LRBA: variants seen among roughly 807,000 people sequenced by gnomAD.
The protein encoded by LRBA is LPS responsive beige-like anchor protein, also known as lipopolysaccharide-responsive and beige-like anchor protein.
Under a neutral mutation model 330.0 loss-of-function variants are expected in LRBA, and 176 were observed. That is an observed-to-expected ratio of 0.53 (90% CI 0.47 to 0.60). LRBA has a LOEUF of 0.60. Among genes scored for constraint, LRBA ranks in the 20% least tolerant of loss-of-function variants. The pLI is 0.00. For missense variants in LRBA, 3,259 were observed against 3,444.8 expected (o/e 0.95, Z 1.35); for synonymous variants, 1,230 against 1,193.0 (o/e 1.03, Z -0.64).
At chr4:150,540,541 T>C (rs1765209008) in intron 40 of LRBA, among the ~76,000 whole-genome samples, 1 of 152,198 alleles carries the variant, frequency 6.6e-6, no homozygotes, top group African/African-American at 2.4e-5. Flanking sequence ...GGCATGCTAT[T>C]GTTTTACAAA....
chr4:150,559,756 C>T (rs10019187), intron 40 of LRBA, among the ~76,000 whole-genome samples: 42,413 of 81,188 alleles, frequency 0.52, 10,953 homozygotes, highest in East Asian at 0.59. Flanking sequence ...ATATATATAA[C>T]ATTATAGATT....
intron 2 of LRBA, among the ~76,000 whole-genome samples, chr4:150,980,164 T>C (rs1166890806): frequency 6.6e-6 from 1 of 151,870 alleles, no homozygotes; most frequent in Non-Finnish European, 1.5e-5. Context: ...GCAAAGATGG[T>C]TCAACATATG....
intron 40 of LRBA, among the ~76,000 whole-genome samples, chr4:150,538,827 A>C (rs1392260125): frequency 2.0e-5 from 3 of 151,852 alleles, no homozygotes; most frequent in African/African-American, 7.3e-5. Flanking sequence ...AAAAAAAAAA[A>C]AAACAAAAAA....
chr4:150,560,145 A>G (rs982012860), intron 40 of LRBA, among the ~76,000 whole-genome samples: 9 of 150,694 alleles, frequency 6.0e-5, no homozygotes, highest in Non-Finnish European at 1.2e-4. Context: ...GGAAAGGAGT[A>G]TAATGTGTAC....
intron 34 of LRBA, among the ~76,000 whole-genome samples, chr4:150,783,501 A>AG (rs1422304044): frequency 6.6e-6 from 1 of 152,232 alleles, no homozygotes; most frequent in African/African-American, 2.4e-5. Context: ...AACAAGAATA[A>AG]ACTGACAAGC....
intron 40 of LRBA, among the ~76,000 whole-genome samples, chr4:150,550,826 TTAAC>T (rs1766491196): frequency 6.6e-6 from 1 of 152,200 alleles, no homozygotes; most frequent in Non-Finnish European, 1.5e-5. Context: ...AAATAGTTCT[TTAAC>T]TAAAAGATTA....
intron 40 of LRBA, among the ~76,000 whole-genome samples, chr4:150,545,053 A>C (rs1025448715): frequency 5.9e-5 from 9 of 152,190 alleles, no homozygotes; most frequent in African/African-American, 2.2e-4. Context: ...CTTCTGTAAA[A>C]TAGAAAATAT....
intron 16 of LRBA, among the ~76,000 whole-genome samples, chr4:150,894,327 C>T (rs981985616): frequency 6.6e-6 from 1 of 152,166 alleles, no homozygotes; most frequent in African/African-American, 2.4e-5. Context: ...TTTTCATATA[C>T]GGTATTATCT....
chr4:150,562,652 T>C (rs1026934700), intron 40 of LRBA, among the ~76,000 whole-genome samples: 1 of 152,150 alleles, frequency 6.6e-6, no homozygotes, highest in Non-Finnish European at 1.5e-5. Context: ...ATTTAATCCA[T>C]AATATATTTT....
intron 35 of LRBA, among the ~76,000 whole-genome samples, chr4:150,742,308 G>GT (rs1220352125): frequency 6.6e-6 from 1 of 151,790 alleles, no homozygotes; most frequent in Non-Finnish European, 1.5e-5. Flanking sequence ...ATCGTACCCT[G>GT]TAAGTTATTT....
chr4:150,873,101 A>G (rs1753623324), intron 17 of LRBA, among the ~76,000 whole-genome samples: 1 of 152,232 alleles, frequency 6.6e-6, no homozygotes, highest in African/African-American at 2.4e-5. Flanking sequence ...GTCAGTAGAA[A>G]GAAAGCATTT....
intron 37 of LRBA, among the ~76,000 whole-genome samples, chr4:150,651,138 C>T (rs1201793066): frequency 6.6e-6 from 1 of 152,076 alleles, no homozygotes; most frequent in Non-Finnish European, 1.5e-5. Context: ...TACTGTAAAG[C>T]ACATGTTTAG....
intron 44 of LRBA, among the ~76,000 whole-genome samples, chr4:150,442,037 T>A (rs1009565961): frequency 6.6e-6 from 1 of 152,148 alleles, no homozygotes; most frequent in Admixed American, 6.5e-5. Context: ...ACAATTAATA[T>A]CAACCTTTCA....
intron 4 of LRBA, among the ~76,000 whole-genome samples, chr4:150,925,760 GAATAT>G (rs1190610700): frequency 1.3e-5 from 2 of 151,856 alleles, no homozygotes; most frequent in African/African-American, 4.8e-5. Context: ...CTATGCTTAT[GAATAT>G]AATAAAAATA....
At chr4:150,801,641 C>T (rs975170604) in intron 33 of LRBA, among the ~76,000 whole-genome samples, 5 of 152,134 alleles carry the variant, frequency 3.3e-5, no homozygotes, top group African/African-American at 4.8e-5. Context: ...TCCCACAAGA[C>T]GGAAGAACAC....
chr4:150,959,768 A>G (rs1014289641), intron 2 of LRBA, among the ~76,000 whole-genome samples: 6 of 145,690 alleles, frequency 4.1e-5, no homozygotes, highest in Non-Finnish European at 7.4e-5. Context: ...TAAATCTAAT[A>G]TACTTATTAT....
At chr4:150,599,921 A>G (rs757299346) in intron 37 of LRBA, among the ~76,000 whole-genome samples, 12 of 152,188 alleles carry the variant, frequency 7.9e-5, no homozygotes, top group Non-Finnish European at 1.5e-4. Context: ...TAAAAACTAC[A>G]TGCTATATGA....
At chr4:150,422,599 C>T in intron 46 of LRBA, 1 of 560,292 alleles carries the variant, frequency 1.8e-6, no homozygotes. Context: ...ACTTAGACAT[C>T]AGGTTCCCCA....
chr4:150,821,788 G>C (rs532137181), intron 30 of LRBA, among the ~76,000 whole-genome samples: 22 of 152,282 alleles, frequency 1.4e-4, no homozygotes, highest in African/African-American at 5.3e-4. Flanking sequence ...AATCATCAGA[G>C]AGGATCTTCA....
Sources: gnomAD v4.1 joint callset for allele counts (sites outside exome capture counted in the v4.1 genomes callset) on GRCh38, gnomAD v4.1.1 for gene constraint, MANE v1.5 for transcripts, NCBI Gene and HGNC (gene_info 2026-07-23, HGNC 2026-07-21) for gene names.